CFAP44: variants seen among roughly 807,000 people sequenced by gnomAD.
CFAP44 encodes cilia- and flagella-associated protein 44.
In CFAP44, 134 loss-of-function variants were observed where a neutral mutation model predicts 216.2. The ratio of observed to expected loss-of-function variants is 0.62; its 90% CI spans 0.54 to 0.72. The LOEUF (loss-of-function observed/expected upper bound fraction) is 0.72. Among genes scored for constraint, CFAP44 ranks in the 30% least tolerant of loss-of-function variants. The pLI is 0.00. For synonymous variants in CFAP44, 700 were observed against 727.6 expected (o/e 0.96, Z 0.61); for missense variants, 2,035 against 2,182.1 (o/e 0.93, Z 1.34).
intron 22 of CFAP44, among the ~76,000 whole-genome samples, chr3:113,347,649 C>A (rs1004506758): frequency 6.6e-6 from 1 of 151,560 alleles, no homozygotes; most frequent in East Asian, 1.9e-4. Context: ...CTTTTAGGAT[C>A]CTTCCTCAGA....
intron 28 of CFAP44, among the ~76,000 whole-genome samples, chr3:113,314,516 A>G (rs1950069757): frequency 1.3e-5 from 2 of 152,208 alleles, no homozygotes; most frequent in African/African-American, 4.8e-5. Context: ...TGCCTATCCT[A>G]AAATAATGGA....
At position 113,401,191 on chromosome 3, in the gene CFAP44, A is replaced by T. The variant is rs1476702974; in HGVS notation, c.1374+49T>A. On this transcript the variant is annotated intron_variant, in intron 11 of 34. Coordinates refer to ENST00000393845, the MANE Select transcript of CFAP44 (RefSeq NM_001164496.2). Reference sequence around the variant, plus strand: ...GAATACTTTAAAGACAAATAACAAAAGTTTTTACTATGAAAGTTAGGAGAA... The same window carrying T: ...GAATACTTTAAAGACAAATAACAAATGTTTTTACTATGAAAGTTAGGAGAA... The T allele has an allele frequency of 4.7e-6, 7 of 1,497,354 alleles. No individual in the cohort carries two copies. In the Admixed American group the frequency reaches 1.1e-4, roughly 24 times the overall value. The allele number at this position is 1,497,354 out of a possible 1,614,324, so 92.8% of individuals were successfully genotyped here. A position where few individuals can be genotyped will look rare whatever the true frequency, so the allele number is the denominator to read the frequency against.
At chr3:113,429,481 C>T (rs1226432942) in intron 2 of CFAP44, among the ~76,000 whole-genome samples, 3 of 151,990 alleles carry the variant, frequency 2.0e-5, no homozygotes, top group African/African-American at 4.8e-5. Context: ...CTTTTTCTAT[C>T]CATTTACTTT....
chr3:113,364,524 T>G (rs1950570304), intron 19 of CFAP44, among the ~76,000 whole-genome samples: 1 of 152,086 alleles, frequency 6.6e-6, no homozygotes, highest in Admixed American at 6.5e-5. Flanking sequence ...GGACAAAAAT[T>G]TACTGAATTT....
Position 113,290,881 on chromosome 3 carries a change from C to A in CFAP44, c.*676G>T, listed in dbSNP as rs1172407797. ...TTTATTGACTGTTTTATTAAGCATG[C>A]CCCTCTGCTCCACTCAGAACTGAGG... is the stretch of plus-strand genomic sequence containing the variant. On this transcript the variant is annotated 3_prime_UTR_variant, in exon 35 of 35. Transcript: ENST00000393845. 2.0e-5 allele frequency: 3 copies of A among 152,138 alleles called. No homozygotes were observed. The highest frequency in any genetic ancestry group is 2.4e-5 in the African/African-American group (1 of 41,422). 9.4% of individuals were successfully genotyped at this position (152,138 alleles called of 1,614,324 possible).
At chr3:113,336,713 T>G (rs7618077) in intron 24 of CFAP44, among the ~76,000 whole-genome samples, 2,802 of 152,036 alleles carry the variant, frequency 0.018, 95 homozygotes, top group African/African-American at 0.064. Context: ...TATAAATAAG[T>G]ACATTAAACA....
intron 23 of CFAP44, among the ~76,000 whole-genome samples, chr3:113,343,731 G>A (rs1950356176): frequency 1.3e-5 from 2 of 152,124 alleles, no homozygotes; most frequent in South Asian, 4.1e-4. Flanking sequence ...AAGCACTACT[G>A]GAAACGTAGA....
At chr3:113,362,620 T>A (rs966271991) in intron 21 of CFAP44, among the ~76,000 whole-genome samples, 3 of 152,146 alleles carry the variant, frequency 2.0e-5, no homozygotes, top group Admixed American at 2.0e-4. Context: ...TAGTTAACGC[T>A]CATCACATAT....
intron 29 of CFAP44, 99 bp downstream of exon 29, chr3:113,308,059 T>C: frequency 1.2e-6 from 1 of 823,566 alleles, no homozygotes. Flanking sequence ...CTATCCTTTT[T>C]TTGAATTATC....
Position 113,373,371 on chromosome 3 carries a change from A to G in CFAP44, c.2444+40T>C, listed in dbSNP as rs200132327. On this transcript the variant is annotated intron_variant, in intron 18 of 34. Coordinates refer to ENST00000393845, the MANE Select transcript of CFAP44 (RefSeq NM_001164496.2). ...GATGAACAAAAGCATAGACACTAAC[A>G]GGATATGGTTTTTTTAAAGCTTTTT... 6.0e-5 allele frequency: 88 copies of G among 1,455,746 alleles called. No homozygotes were observed. In the African/African-American group the frequency reaches 1.2e-3, roughly 20 times the overall value. 90.2% of individuals were successfully genotyped at this position (1,455,746 alleles called of 1,614,324 possible).
Position 113,395,568 on chromosome 3 carries a change from G to A in CFAP44, c.1890+182C>T, listed in dbSNP as rs1420339691. Among the ~76,000 whole-genome samples, 4 of 152,196 alleles carry A rather than the reference G, an allele frequency of 2.6e-5. No individual in the cohort carries two copies. The East Asian group carries it at 7.7e-4, about 29-fold the overall frequency. ...GCAGTGAGGAGAGAGCAAGGCTCCTGAGTGATGCTCTACGGGCCAACCCCA... is the reference window on the plus strand; with the variant it reads ...GCAGTGAGGAGAGAGCAAGGCTCCTAAGTGATGCTCTACGGGCCAACCCCA... On this transcript the variant is annotated intron_variant, in intron 15 of 34. Coordinates refer to ENST00000393845, the MANE Select transcript of CFAP44 (RefSeq NM_001164496.2).
intron 22 of CFAP44, among the ~76,000 whole-genome samples, chr3:113,345,130 T>A (rs1950368929): frequency 6.7e-6 from 1 of 148,436 alleles, no homozygotes; most frequent in Non-Finnish European, 1.5e-5. Context: ...TATAATAGAT[T>A]ATTATATAAA....
In CFAP44 at chr3:113,406,911, T is replaced by C. The variant is rs201941809; in HGVS notation, c.1005+16A>G. ...AAAACACAATTTTAATATTGTAGAATAGTAGCTGTACTCACCTTCCCATCT... is the reference window on the plus strand; with the variant it reads ...AAAACACAATTTTAATATTGTAGAACAGTAGCTGTACTCACCTTCCCATCT... On this transcript the variant is annotated intron_variant, in intron 8 of 34. Transcript: ENST00000393845. 1.6e-5 allele frequency: 25 copies of C among 1,572,322 alleles called. 1 individual carries two copies. The Admixed American group carries it at 3.9e-4, about 24-fold the overall frequency.
chr3:113,408,662 C>T (rs893150965), intron 7 of CFAP44, among the ~76,000 whole-genome samples: 10 of 152,066 alleles, frequency 6.6e-5, no homozygotes, highest in Non-Finnish European at 1.3e-4. Context: ...GTCAGGAGTT[C>T]GAGACCAGCC....
chr3:113,416,312 A>C (rs1934645438), intron 6 of CFAP44, among the ~76,000 whole-genome samples: 1 of 151,842 alleles, frequency 6.6e-6, no homozygotes, highest in African/African-American at 2.4e-5. Context: ...TTGACTCCTT[A>C]TCCAATTTGC....
At chr3:113,393,413 T>C (rs1303937663) in intron 15 of CFAP44, among the ~76,000 whole-genome samples, 2 of 152,126 alleles carry the variant, frequency 1.3e-5, no homozygotes, top group Non-Finnish European at 2.9e-5. Flanking sequence ...TGCGGGTGGA[T>C]GCCTCATGAA....
intron 31 of CFAP44, among the ~76,000 whole-genome samples, chr3:113,304,573 A>C (rs375033634): frequency 1.5e-4 from 23 of 152,352 alleles, no homozygotes; most frequent in African/African-American, 4.8e-4. Context: ...ATTTAATATA[A>C]GTTGCAATTC....
At chr3:113,310,463 A>T (rs575222943) in intron 28 of CFAP44, among the ~76,000 whole-genome samples, 1 of 152,366 alleles carries the variant, frequency 6.6e-6, no homozygotes, top group African/African-American at 2.4e-5. Flanking sequence ...CTCCACCAAC[A>T]GTAAGGAGAC....
intron 15 of CFAP44, among the ~76,000 whole-genome samples, chr3:113,387,512 C>T (rs931696290): frequency 2.6e-5 from 4 of 152,004 alleles, no homozygotes; most frequent in Non-Finnish European, 4.4e-5. Flanking sequence ...GACTAAAGAG[C>T]GCTTGGGCCC....
Sources: gnomAD v4.1 joint callset for allele counts (sites outside exome capture counted in the v4.1 genomes callset) on GRCh38, gnomAD v4.1.1 for gene constraint, MANE v1.5 for transcripts, NCBI Gene and HGNC (gene_info 2026-07-23, HGNC 2026-07-21) for gene names.